The following NAV3 variants were observed in gnomAD, a reference collection of about 807,000 sequenced individuals.
NAV3 encodes pore membrane and/or filament interacting like protein 1.
Under a neutral mutation model 244.7 loss-of-function variants are expected in NAV3, and 87 were observed. The observed-to-expected ratio is 0.36, with a 90% CI of 0.30 to 0.42. The LOEUF is 0.42. Ranked by LOEUF, NAV3 falls within the 20% of genes least tolerant of loss-of-function variation. The pLI, the probability that NAV3 is intolerant of heterozygous loss-of-function variation, is 1.00. For synonymous variants in NAV3, 1,126 were observed against 1,042.2 expected, an observed-to-expected ratio of 1.08 and a Z score of -1.55; for missense variants, 2,663 against 2,893.3, an observed-to-expected ratio of 0.92 and a Z score of 1.83.
chr12:77,890,910 A>C (rs1883858725), intron 1 of NAV3, among the ~76,000 whole-genome samples: 1 of 152,240 alleles, frequency 6.6e-6, no homozygotes, highest in Non-Finnish European at 1.5e-5. Flanking sequence ...ACTAGTTCAA[A>C]GAGAGGAATC....
chr12:77,742,015 G>C (rs1868346068), intron 2 of NAV3, among the ~76,000 whole-genome samples: 1 of 151,812 alleles, frequency 6.6e-6, no homozygotes, highest in African/African-American at 2.4e-5. Flanking sequence ...AGTTTTCTTT[G>C]ATTATTAGCA....
In NAV3 at chr12:77,690,557, G is replaced by T. The variant is rs113210770; in HGVS notation, c.72+118291G>T. Among the ~76,000 whole-genome samples the T allele has an allele frequency of 5.8e-3, 880 of 151,268 alleles. 11 individuals carry two copies. The highest frequency in any genetic ancestry group is 0.02 in the African/African-American group (835 of 41,398). On this transcript the variant is annotated intron_variant, in intron 2 of 8. Coordinates refer to the NAV3 transcript ENST00000550042. ...AAGGCATATTTATCCCATCTCTACT[G>T]TAAATGGGGCAATATAATGAAATGA...
rs112911016 is a variant in NAV3, at chr12:77,723,628, C to G, written c.72+151362C>G. Among the ~76,000 whole-genome samples, 303 of 152,032 alleles carry G rather than the reference C, an allele frequency of 2.0e-3. 2 individuals carry two copies. Among genetic ancestry groups the G allele is most frequent in the African/African-American group, 6.9e-3 (288 of 41,522 alleles). ...CCTGCCAGAAATCTGGGTGCAGAGC[C>G]AACCTTGTTTGCTTACTGGTCATGA... On this transcript the variant is annotated intron_variant, in intron 2 of 8. Transcript: ENST00000550042.
At chr12:77,848,484 C>T (rs1263835855) in intron 1 of NAV3, among the ~76,000 whole-genome samples, 2 of 152,170 alleles carry the variant, frequency 1.3e-5, no homozygotes, top group East Asian at 1.9e-4. Context: ...AAGGCTTGCC[C>T]AAAAATGCTT....
intron 2 of NAV3, among the ~76,000 whole-genome samples, chr12:77,764,557 A>AT (rs1869644953): frequency 6.6e-6 from 1 of 152,248 alleles, no homozygotes; most frequent in South Asian, 2.1e-4. Flanking sequence ...CTACATTTAA[A>AT]TTGATATATC....
intron 2 of NAV3, among the ~76,000 whole-genome samples, chr12:77,740,348 A>G (rs1004466438): frequency 6.6e-6 from 1 of 152,164 alleles, no homozygotes; most frequent in Admixed American, 6.6e-5. Flanking sequence ...GCCATCTAGA[A>G]AGTGATAAGA....
intron 2 of NAV3, among the ~76,000 whole-genome samples, chr12:77,703,034 A>G (rs1875631418): frequency 6.6e-6 from 1 of 151,972 alleles, no homozygotes; most frequent in East Asian, 1.9e-4. Context: ...TTTTAATGCC[A>G]GGTTTATTGA....
At chr12:77,769,386 C>A (rs1163405203) in intron 2 of NAV3, among the ~76,000 whole-genome samples, 2 of 152,166 alleles carry the variant, frequency 1.3e-5, no homozygotes, top group Non-Finnish European at 2.9e-5. Context: ...AACAGTACAG[C>A]TCCCAGAGTG....
At chr12:77,599,328 T>C (rs1870315256) in intron 2 of NAV3, among the ~76,000 whole-genome samples, 1 of 152,020 alleles carries the variant, frequency 6.6e-6, no homozygotes, top group Non-Finnish European at 1.5e-5. Flanking sequence ...GGAAATTTAG[T>C]AGACTTTTAT....
At chr12:78,130,132 T>C (rs1352914861) in intron 18 of NAV3, among the ~76,000 whole-genome samples, 1 of 152,218 alleles carries the variant, frequency 6.6e-6, no homozygotes, top group Non-Finnish European at 1.5e-5. Flanking sequence ...CTTAGCTTTT[T>C]GCCAGTCTAG....
intron 1 of NAV3, among the ~76,000 whole-genome samples, chr12:77,912,445 G>C (rs1403459726): frequency 2.0e-5 from 3 of 152,034 alleles, no homozygotes; most frequent in Non-Finnish European, 4.4e-5. Flanking sequence ...CTTTTAATGT[G>C]AAAATGCTCA....
chr12:77,967,019 G>C (rs1385366590), intron 4 of NAV3, among the ~76,000 whole-genome samples: 2 of 151,988 alleles, frequency 1.3e-5, no homozygotes, highest in Admixed American at 6.6e-5. Context: ...ATATTTGCTT[G>C]TTATGATATA....
chr12:77,864,603 C>T (rs891448344), intron 1 of NAV3, among the ~76,000 whole-genome samples: 1 of 151,954 alleles, frequency 6.6e-6, no homozygotes, highest in Admixed American at 6.6e-5. Context: ...AGACTTCTCT[C>T]AGGAATATAT....
chr12:77,709,063 G>A (rs1875976047), intron 2 of NAV3, among the ~76,000 whole-genome samples: 1 of 152,080 alleles, frequency 6.6e-6, no homozygotes, highest in Non-Finnish European at 1.5e-5. Context: ...TCTTTCTCCT[G>A]CCTGATTGCC....
intron 2 of NAV3, among the ~76,000 whole-genome samples, chr12:77,602,551 C>A (rs375026140): frequency 6.6e-6 from 1 of 151,572 alleles, no homozygotes; most frequent in East Asian, 1.9e-4. Context: ...TAGCAGAGAT[C>A]TAAAGGATAA....
At chr12:77,987,260 G>A (rs954349283) in intron 5 of NAV3, among the ~76,000 whole-genome samples, 1 of 152,094 alleles carries the variant, frequency 6.6e-6, no homozygotes, top group Non-Finnish European at 1.5e-5. Flanking sequence ...CAGACAATAT[G>A]GTACAAGAGA....
Position 77,852,904 on chromosome 12 carries a change from AG to A in NAV3, c.243+21201del, listed in dbSNP as rs112085760. On this transcript the variant is annotated intron_variant, in intron 1 of 39. Transcript: ENST00000397909. ...TAATGTGGGCATTTGGATAGTTTAT[AG>A]CTTGGGGATTTATGAATAATGACAC... Among the ~76,000 whole-genome samples the A allele has an allele frequency of 3.9e-3, 601 of 152,290 alleles. 1 individual carries two copies. Among genetic ancestry groups the A allele is most frequent in the African/African-American group, 0.014 (574 of 41,562 alleles).
chr12:78,024,460 C>A (rs1050200309), intron 9 of NAV3, among the ~76,000 whole-genome samples: 1 of 152,140 alleles, frequency 6.6e-6, no homozygotes, highest in Non-Finnish European at 1.5e-5. Flanking sequence ...TTTCTCTTAA[C>A]TGACAACCTG....
chr12:78,144,445 C>G (rs1956765083), intron 20 of NAV3, among the ~76,000 whole-genome samples: 1 of 151,974 alleles, frequency 6.6e-6, no homozygotes, highest in African/African-American at 2.4e-5. Context: ...TAATCCCACA[C>G]CTAAGCTACT....
Sources: gnomAD v4.1 joint callset for allele counts (sites outside exome capture counted in the v4.1 genomes callset) on GRCh38, gnomAD v4.1.1 for gene constraint, MANE v1.5 for transcripts, NCBI Gene and HGNC (gene_info 2026-07-23, HGNC 2026-07-21) for gene names.